Variants in ADAMTS2 observed in about 807,000 individuals in gnomAD.
ADAMTS2 encodes ADAM metallopeptidase with thrombospondin type 1 motif 2.
In ADAMTS2, 50 loss-of-function variants were observed where a neutral mutation model predicts 123.0. That is an observed-to-expected ratio of 0.41 (90% confidence interval 0.32 to 0.51). The LOEUF (loss-of-function observed/expected upper bound fraction) is 0.51, where lower values mean the gene tolerates loss of function less well. Among genes scored for constraint, ADAMTS2 ranks in the 20% least tolerant of loss-of-function variants. ADAMTS2 has a pLI of 0.35. For missense variants in ADAMTS2, 1,494 were observed against 1,705.2 expected, an observed-to-expected ratio of 0.88 and a Z score of 2.18; for synonymous variants, 678 against 695.4, an observed-to-expected ratio of 0.98 and a Z score of 0.39.
In ADAMTS2 at chr5:179,130,027, A is replaced by G. The variant is rs1762931000; in HGVS notation, c.2362T>C (p.Phe788Leu). 1.2e-6 allele frequency: 2 copies of G among 1,613,956 alleles called. No homozygotes were observed. The highest frequency in any genetic ancestry group is 1.1e-5 in the South Asian group (1 of 91,082). Reference protein sequence around the residue: ...ENDVDASSKTFIAMGVEWEYR... With the variant: ...ENDVDASSKTLIAMGVEWEYR... ...TCCCACTCCACGCCCATGGCAATGAAGGTTTTGGAACTGGCATCCACGTCA... is the reference window on the plus strand; with the variant it reads ...TCCCACTCCACGCCCATGGCAATGAGGGTTTTGGAACTGGCATCCACGTCA... The change falls in exon 16 of 22, where the codon TTC becomes CTC. Residue 788 changes from phenylalanine (F) to leucine (L), a missense_variant. Physicochemically the swap from Phe to Leu is conservative, Grantham distance 22. Transcript: ENST00000251582. This position sits in a 1 kb window ranked among gnomAD's most constrained non-coding sequence, Gnocchi z 4.3.
At chr5:179,200,479 C>G (rs571224461) in intron 4 of ADAMTS2, among the ~76,000 whole-genome samples, 2 of 152,186 alleles carry the variant, frequency 1.3e-5, no homozygotes, top group East Asian at 3.9e-4. Context: ...GAACTCTTGA[C>G]CTCAAGTGAT....
intron 3 of ADAMTS2, among the ~76,000 whole-genome samples, chr5:179,269,524 C>G (rs1409708711): frequency 1.3e-5 from 2 of 152,178 alleles, no homozygotes; most frequent in Non-Finnish European, 2.9e-5. Context: ...GACCCACTCA[C>G]CATCATGAGA....
At chr5:179,210,061 A>C (rs1371460409) in intron 3 of ADAMTS2, among the ~76,000 whole-genome samples, 1 of 152,232 alleles carries the variant, frequency 6.6e-6, no homozygotes, top group Non-Finnish European at 1.5e-5. Flanking sequence ...CATGTTTTAA[A>C]AATCTAGAAC....
intron 10 of ADAMTS2, among the ~76,000 whole-genome samples, chr5:179,144,489 A>G (rs1361662966): frequency 3.3e-5 from 5 of 152,240 alleles, no homozygotes; most frequent in Non-Finnish European, 5.9e-5. Flanking sequence ...GCAAAGTGGG[A>G]AGACACTTCA....
Position 179,197,934 on chromosome 5 carries a change from C to T in ADAMTS2, c.891+9579G>A, listed in dbSNP as rs961885597. 2.6e-5 allele frequency among the ~76,000 whole-genome samples: 4 copies of T among 152,158 alleles called. No individual in the cohort carries two copies. The highest frequency in any genetic ancestry group is 9.7e-5 in the African/African-American group (4 of 41,420). Reference sequence around the variant, plus strand: ...GGGTGCCCAGGCCCACACACATGGCCACAGCATCTGGTTTGTGAGCAGAGA... The same window carrying T: ...GGGTGCCCAGGCCCACACACATGGCTACAGCATCTGGTTTGTGAGCAGAGA... On this transcript the variant is annotated intron_variant, in intron 4 of 21. Coordinates refer to ENST00000251582, the MANE Select transcript of ADAMTS2 (RefSeq NM_014244.5). The surrounding 1 kb of genome is among the most constrained non-coding windows in gnomAD (Gnocchi z 4.2).
chr5:179,113,231 A>C lies in ADAMTS2; in HGVS notation c.*636T>G, dbSNP rs1354968851. 1 of 155,710 alleles carries C rather than the reference A, an allele frequency of 6.4e-6. No homozygotes were observed. The highest frequency in any genetic ancestry group is 1.4e-5 in the Non-Finnish European group (1 of 70,094). 9.6% of individuals were successfully genotyped at this position (155,710 alleles called of 1,614,324 possible). A position where few individuals can be genotyped will look rare whatever the true frequency, so the allele number is the denominator to read the frequency against. On this transcript the variant is annotated 3_prime_UTR_variant, in exon 22 of 22. Transcript: ENST00000251582. ...ACTGTCTGGCAAGGCCGGGGATAGT[A>C]GAGCAGAGATGGAGAGAGATACAGA... is the stretch of plus-strand genomic sequence containing the variant.
At chr5:179,119,427 G>A (rs1418525475) in intron 21 of ADAMTS2, among the ~76,000 whole-genome samples, 1 of 152,212 alleles carries the variant, frequency 6.6e-6, no homozygotes. Context: ...ACTCCTCAGT[G>A]GTACAGAAAA....
rs746024135 is a variant in ADAMTS2, at chr5:179,121,741, G to A, written c.3098C>T (p.Ser1033Leu). Residue 1033 changes from serine to leucine, a missense_variant, in exon 21 of 22, where the codon TCA becomes TTA. By Grantham distance (145) the Ser-to-Leu change is moderately radical. Coordinates refer to ENST00000251582, the MANE Select transcript of ADAMTS2 (RefSeq NM_014244.5). The stretch of plus-strand genomic sequence containing the variant: ...TACGTAGCTCTTCTTGGAGGGATCT[G>A]AGATGTTTCCTAGAGGGAGGAGAGA... Reference protein sequence around the residue: ...CRLGPCPRNISDPSKKSYVVQ... With the variant: ...CRLGPCPRNILDPSKKSYVVQ... 5.7e-6 allele frequency: 9 copies of A among 1,579,212 alleles called. No individual in the cohort carries two copies. The highest frequency in any genetic ancestry group is 7.8e-6 in the Non-Finnish European group (9 of 1,160,528).
chr5:179,125,403 G>A (rs1762836085), intron 18 of ADAMTS2, among the ~76,000 whole-genome samples: 1 of 152,218 alleles, frequency 6.6e-6, no homozygotes, highest in African/African-American at 2.4e-5. Context: ...TACTGACCAT[G>A]AGTCCCATGC....
At chr5:179,223,799 C>T (rs1465173506) in intron 3 of ADAMTS2, among the ~76,000 whole-genome samples, 4 of 151,710 alleles carry the variant, frequency 2.6e-5, no homozygotes, top group Admixed American at 6.6e-5. Flanking sequence ...GCATGTCACA[C>T]GTGTGTGCAT....
At chr5:179,200,244 C>CTTTTT (rs1051856642) in intron 4 of ADAMTS2, among the ~76,000 whole-genome samples, 44 of 103,682 alleles carry the variant, frequency 4.2e-4, no homozygotes, top group African/African-American at 1.2e-3. Context: ...CCTTTCTTTC[C>CTTTTT]TTTTTTTTTT....
At position 179,130,638 on chromosome 5, in the gene ADAMTS2, G is replaced by T. The variant is rs944017678; in HGVS notation, c.2291-540C>A. On this transcript the variant is annotated intron_variant, in intron 15 of 21. Transcript: ENST00000251582. This position sits in a 1 kb window ranked among gnomAD's most constrained non-coding sequence, Gnocchi z 4.3. ...GCCCCAGAAGAGGCCTGGCCTGATT[G>T]GGTGACACTCAGGTCATCTAGGAGC... is the stretch of plus-strand genomic sequence containing the variant. 3.9e-5 allele frequency among the ~76,000 whole-genome samples: 6 copies of T among 152,172 alleles called. No homozygotes were observed. Among genetic ancestry groups the T allele is most frequent in the Admixed American group, 2.6e-4 (4 of 15,280 alleles).
At chr5:179,187,472 T>G (rs1371682346) in intron 4 of ADAMTS2, among the ~76,000 whole-genome samples, 1 of 152,208 alleles carries the variant, frequency 6.6e-6, no homozygotes, top group Non-Finnish European at 1.5e-5. Context: ...CAGTAAACAT[T>G]TGCTGAATGA....
At chr5:179,214,458 G>C (rs1764928966) in intron 3 of ADAMTS2, among the ~76,000 whole-genome samples, 1 of 152,200 alleles carries the variant, frequency 6.6e-6, no homozygotes, top group Non-Finnish European at 1.5e-5. Flanking sequence ...GAAATTGAAA[G>C]AGCAGTCAAA....
chr5:179,296,119 TG>T (rs1756322746), intron 2 of ADAMTS2, among the ~76,000 whole-genome samples: 1 of 151,812 alleles, frequency 6.6e-6, no homozygotes, highest in Non-Finnish European at 1.5e-5. Context: ...AGCAGGAGGA[TG>T]GGGGAGGCCT....
At chr5:179,304,006 C>G (rs933601382) in intron 2 of ADAMTS2, among the ~76,000 whole-genome samples, 4 of 152,164 alleles carry the variant, frequency 2.6e-5, no homozygotes, top group Non-Finnish European at 4.4e-5. Context: ...GGGTCTGACC[C>G]TAAACAACAC....
At chr5:179,322,767 G>A (rs932784812) in intron 2 of ADAMTS2, among the ~76,000 whole-genome samples, 1 of 152,250 alleles carries the variant, frequency 6.6e-6, no homozygotes, top group South Asian at 2.1e-4. Context: ...AAACTGGACA[G>A]AAAGAGGCCT....
At chr5:179,150,684 T>C (rs565816472) in intron 10 of ADAMTS2, among the ~76,000 whole-genome samples, 2 of 152,228 alleles carry the variant, frequency 1.3e-5, no homozygotes, top group South Asian at 4.2e-4. Context: ...GCCACATATA[T>C]ATGATTCCAT....
At chr5:179,156,126 A>C (rs1415870046) in intron 6 of ADAMTS2, among the ~76,000 whole-genome samples, 1 of 151,978 alleles carries the variant, frequency 6.6e-6, no homozygotes, top group South Asian at 2.1e-4. Context: ...GAGGCTTTCC[A>C]TTCATCCTAC....
Sources: gnomAD v4.1 joint callset for allele counts (sites outside exome capture counted in the v4.1 genomes callset) on GRCh38, gnomAD v4.1.1 for gene constraint, Gnocchi (gnomAD v3.1) non-coding constraint, MANE v1.5 for transcripts, NCBI Gene and HGNC (gene_info 2026-07-23, HGNC 2026-07-21) for gene names.